Variants in PLCH1 observed in about 807,000 individuals in gnomAD.
PLCH1 encodes 1-phosphatidylinositol 4,5-bisphosphate phosphodiesterase eta-1.
Under a neutral mutation model 126.7 loss-of-function variants are expected in PLCH1, and 60 were observed. The ratio of observed to expected loss-of-function variants is 0.47; its 90% CI spans 0.38 to 0.59. PLCH1 has a LOEUF of 0.59. Among genes scored for constraint, PLCH1 ranks in the 20% least tolerant of loss-of-function variants. The pLI is 0.00. For synonymous variants in PLCH1, 719 were observed against 734.9 expected (o/e 0.98, Z 0.35); for missense variants, 1,723 against 2,040.0 (o/e 0.84, Z 2.99).
At chr3:155,505,221 G>C (rs1718480503) in intron 12 of PLCH1, among the ~76,000 whole-genome samples, 1 of 152,160 alleles carries the variant, frequency 6.6e-6, no homozygotes, top group Non-Finnish European at 1.5e-5. Flanking sequence ...TTCCCTCTGT[G>C]ATGAGCACTG....
intron 10 of PLCH1, among the ~76,000 whole-genome samples, chr3:155,547,837 C>G (rs1725573968): frequency 7.4e-6 from 1 of 134,748 alleles, no homozygotes; most frequent in Non-Finnish European, 1.5e-5. Flanking sequence ...GGGAATTGAA[C>G]AACGAGAACA....
At chr3:155,708,519 C>T (rs1307388257) in intron 1 of PLCH1, among the ~76,000 whole-genome samples, 4 of 152,204 alleles carry the variant, frequency 2.6e-5, no homozygotes, top group African/African-American at 2.4e-5. Flanking sequence ...GGAAACCCAG[C>T]CTCAGCAGTT....
At chr3:155,574,049 G>A (rs1273417939) in intron 6 of PLCH1, among the ~76,000 whole-genome samples, 1 of 152,082 alleles carries the variant, frequency 6.6e-6, no homozygotes. Context: ...GAGTAGCTGG[G>A]ACTACAAGCA....
At position 155,485,454 on chromosome 3, in the gene PLCH1, C is replaced by T. The variant is rs1368316355; in HGVS notation, c.2876G>A (p.Arg959His). The change falls in exon 22 of 23, where the codon CGC becomes CAC. Residue 959 changes from arginine to histidine, a missense_variant. By Grantham distance (29) the Arg-to-His change is conservative (BLOSUM62 0). This residue lies in a region of PLCH1 where 947 missense variants were observed against 977.1 expected (regional missense o/e 0.97). Transcript: ENST00000460012. The stretch of plus-strand genomic sequence containing the variant: ...TCTGTCAACAGGCATAGAGACAGGG[C>T]GTGCTTGCAAACTGCGTGTGGTCCT... ...LRRTTRSLQARPVSMPVDRNL... is the reference protein window; with the variant it reads ...LRRTTRSLQAHPVSMPVDRNL... 7 of 1,614,074 alleles carry T rather than the reference C, an allele frequency of 4.3e-6. No homozygotes were observed. The highest frequency in any genetic ancestry group is 2.7e-5 in the African/African-American group (2 of 75,034).
intron 1 of PLCH1, among the ~76,000 whole-genome samples, chr3:155,711,922 G>A (rs554651495): frequency 1.3e-5 from 2 of 152,296 alleles, no homozygotes; most frequent in South Asian, 4.1e-4. Flanking sequence ...AAAAATTTGT[G>A]GAGATTGGAT....
chr3:155,556,860 G>T (rs1407470578), intron 8 of PLCH1, among the ~76,000 whole-genome samples: 2 of 152,160 alleles, frequency 1.3e-5, no homozygotes, highest in South Asian at 2.1e-4. Context: ...ATCAGACAAC[G>T]AATCTCAATC....
rs755619805 is a variant in PLCH1, at chr3:155,481,335, C to CG, written c.4690dup (p.Arg1564ProfsTer20). ...GGATGACAACTTCCTGACCAGTGCCCGGGGGAGCTGATTGGCATCCTGCTT... is the reference window on the plus strand; with the variant it reads ...GGATGACAACTTCCTGACCAGTGCCCGGGGGGAGCTGATTGGCATCCTGCTT... On this transcript the variant is annotated frameshift_variant, in exon 23 of 23. Coordinates refer to ENST00000460012, the MANE Select transcript of PLCH1 (RefSeq NM_014996.4). LOFTEE classifies it low-confidence loss of function (END_TRUNC). This position sits in a 1 kb window ranked among gnomAD's most constrained non-coding sequence, Gnocchi z 4.2. 1 of 1,614,186 alleles carries CG rather than the reference C, an allele frequency of 6.2e-7. No individual in the cohort carries two copies. Among genetic ancestry groups the CG allele is most frequent in the Non-Finnish European group, 8.5e-7 (1 of 1,180,028 alleles).
intron 2 of PLCH1, among the ~76,000 whole-genome samples, chr3:155,659,734 G>A (rs1023628736): frequency 6.6e-6 from 1 of 151,836 alleles, no homozygotes; most frequent in Non-Finnish European, 1.5e-5. Flanking sequence ...CCTGACCTCA[G>A]GTGATCCAGC....
At chr3:155,585,950 A>C (rs1262744959) in intron 5 of PLCH1, 115 bp downstream of exon 5, 4 of 692,774 alleles carry the variant, frequency 5.8e-6, no homozygotes, top group Non-Finnish European at 9.3e-6. Flanking sequence ...AAAATAAAAC[A>C]GTACAGAGCA....
chr3:155,523,618 T>C (rs1721495690), intron 11 of PLCH1, among the ~76,000 whole-genome samples: 1 of 152,174 alleles, frequency 6.6e-6, no homozygotes, highest in South Asian at 2.1e-4. Context: ...CAACTACAAT[T>C]TGATTTTTGA....
At chr3:155,561,996 G>T (rs1414138446) in intron 8 of PLCH1, among the ~76,000 whole-genome samples, 1 of 152,168 alleles carries the variant, frequency 6.6e-6, no homozygotes, top group Non-Finnish European at 1.5e-5. Flanking sequence ...TGGCCAGGCT[G>T]GTCTCAAACT....
At chr3:155,711,076 C>T (rs1044974704) in intron 1 of PLCH1, among the ~76,000 whole-genome samples, 9 of 149,558 alleles carry the variant, frequency 6.0e-5, no homozygotes, top group Non-Finnish European at 5.9e-5. Context: ...AAATATACTT[C>T]TACAGAACAT....
intron 2 of PLCH1, among the ~76,000 whole-genome samples, chr3:155,627,746 T>G (rs1737500687): frequency 6.6e-6 from 1 of 150,736 alleles, no homozygotes; most frequent in African/African-American, 2.5e-5. Context: ...TAAATCTAAT[T>G]TTGCCAAAAA....
chr3:155,713,933 T>C (rs1259282276), intron 1 of PLCH1, among the ~76,000 whole-genome samples: 1 of 152,206 alleles, frequency 6.6e-6, no homozygotes, highest in Admixed American at 6.5e-5. Flanking sequence ...AACCACAAAA[T>C]GAACTGTCAG....
At chr3:155,628,296 G>T (rs1271257033) in intron 2 of PLCH1, among the ~76,000 whole-genome samples, 1 of 141,768 alleles carries the variant, frequency 7.1e-6, no homozygotes, top group Non-Finnish European at 1.5e-5. Context: ...AGAATTACCT[G>T]ACCTTCCTGT....
chr3:155,664,067 C>T (rs1302038835), intron 2 of PLCH1, among the ~76,000 whole-genome samples: 1 of 152,140 alleles, frequency 6.6e-6, no homozygotes, highest in African/African-American at 2.4e-5. Flanking sequence ...AGTGATGCAT[C>T]ATAAACAGTC....
At chr3:155,622,283 A>G (rs1209514423) in intron 2 of PLCH1, among the ~76,000 whole-genome samples, 2 of 152,198 alleles carry the variant, frequency 1.3e-5, no homozygotes, top group Admixed American at 6.5e-5. Context: ...GAAAAGAACA[A>G]CCAGTACCAG....
chr3:155,486,524 T>G lies in PLCH1; in HGVS notation c.2620-814A>C, dbSNP rs942594632. On this transcript the variant is annotated intron_variant, in intron 21 of 22. Coordinates refer to ENST00000460012, the MANE Select transcript of PLCH1 (RefSeq NM_014996.4). The stretch of plus-strand genomic sequence containing the variant: ...TCTGGCTCAAGTTTGTTTTTTTTTT[T>G]TTTTTTTTTTTGAGACGGAGTCTCG... Among the ~76,000 whole-genome samples the G allele has an allele frequency of 2.3e-3, 344 of 146,946 alleles. 1 individual carries two copies. The highest frequency in any genetic ancestry group is 8.0e-3 in the African/African-American group (314 of 39,292).
At chr3:155,668,995 T>C (rs926918253) in intron 2 of PLCH1, among the ~76,000 whole-genome samples, 1 of 152,164 alleles carries the variant, frequency 6.6e-6, no homozygotes, top group Non-Finnish European at 1.5e-5. Context: ...ACTGGGGACA[T>C]AAATGGTGTA....
Sources: allele counts gnomAD v4.1 joint callset (sites outside exome capture counted in the v4.1 genomes callset), GRCh38; gene constraint gnomAD v4.1.1; regional missense constraint gnomAD v4.1.1; non-coding constraint Gnocchi (gnomAD v3.1); transcripts MANE v1.5; gene names NCBI Gene and HGNC (gene_info 2026-07-23, HGNC 2026-07-21).